PDGFD: variants seen among roughly 807,000 people sequenced by gnomAD.
The protein encoded by PDGFD is platelet derived growth factor D.
PDGFD carries 30 observed loss-of-function variants against 44.7 expected under a neutral mutation model. The ratio of observed to expected loss-of-function variants is 0.67; its 90% CI spans 0.50 to 0.91. PDGFD has a LOEUF of 0.91. Ranked by LOEUF, PDGFD falls within the 40% of genes least tolerant of loss-of-function variation. The probability of loss-of-function intolerance (pLI) is 0.00; values close to 1 mark genes in which losing one functional copy is unlikely to be tolerated. For missense variants in PDGFD, 445 were observed against 457.8 expected, an observed-to-expected ratio of 0.97 and a Z score of 0.25; for synonymous variants, 173 against 168.4, an observed-to-expected ratio of 1.03 and a Z score of -0.21.
chr11:104,061,292 A>G (rs142016557), intron 1 of PDGFD, among the ~76,000 whole-genome samples: 1 of 152,200 alleles, frequency 6.6e-6, no homozygotes, highest in Non-Finnish European at 1.5e-5. Flanking sequence ...AAGTGTTAAA[A>G]CTGTATCAAT....
chr11:104,069,149 G>A (rs575014401), intron 1 of PDGFD, among the ~76,000 whole-genome samples: 271 of 152,276 alleles, frequency 1.8e-3, no homozygotes, highest in Middle Eastern at 6.8e-3. Context: ...CTTTTAATCT[G>A]AAAGCGTTTC....
chr11:104,040,346 T>G (rs1392428340), intron 1 of PDGFD, among the ~76,000 whole-genome samples: 1 of 152,070 alleles, frequency 6.6e-6, no homozygotes, highest in Non-Finnish European at 1.5e-5. Flanking sequence ...TGAAAAGCAA[T>G]GACTTCAAAG....
intron 1 of PDGFD, among the ~76,000 whole-genome samples, chr11:104,151,679 G>A (rs529724806): frequency 2.0e-4 from 30 of 152,172 alleles, no homozygotes; most frequent in African/African-American, 5.8e-4. Context: ...TCAGAAATAC[G>A]TATCCTAAAA....
At chr11:104,018,927 G>C (rs1164838530) in intron 1 of PDGFD, among the ~76,000 whole-genome samples, 1 of 151,914 alleles carries the variant, frequency 6.6e-6, no homozygotes, top group Non-Finnish European at 1.5e-5. Context: ...CTTGATCCTT[G>C]TCTTCAGCCA....
At chr11:104,104,890 A>G (rs1395953414) in intron 1 of PDGFD, among the ~76,000 whole-genome samples, 1 of 146,440 alleles carries the variant, frequency 6.8e-6, no homozygotes. Flanking sequence ...AAACACTGAT[A>G]CCATATGCAA....
intron 3 of PDGFD, among the ~76,000 whole-genome samples, chr11:103,976,170 C>T (rs1859181347): frequency 6.6e-6 from 1 of 151,972 alleles, no homozygotes; most frequent in African/African-American, 2.4e-5. Context: ...CTCTTATTTC[C>T]TTAAGCAGTG....
At chr11:104,030,109 A>T (rs991274582) in intron 1 of PDGFD, among the ~76,000 whole-genome samples, 1 of 152,212 alleles carries the variant, frequency 6.6e-6, no homozygotes, top group South Asian at 2.1e-4. Context: ...AATAAGGTGC[A>T]TTTGTAACAT....
chr11:104,120,370 CCTAGTTTAAAATT>C (rs1205422214), intron 1 of PDGFD, among the ~76,000 whole-genome samples: 1 of 151,738 alleles, frequency 6.6e-6, no homozygotes, highest in Non-Finnish European at 1.5e-5. Flanking sequence ...AGTTTAAAAT[CCTAGTTTAAAATT>C]CCTAGTTAAT....
At chr11:103,944,995 C>A (rs1053413254) in intron 4 of PDGFD, among the ~76,000 whole-genome samples, 1 of 151,936 alleles carries the variant, frequency 6.6e-6, no homozygotes, top group African/African-American at 2.4e-5. Context: ...TTCAGTCATC[C>A]TTGTTAAAAT....
intron 3 of PDGFD, among the ~76,000 whole-genome samples, chr11:103,964,237 G>A (rs935885248): frequency 6.6e-6 from 1 of 152,130 alleles, no homozygotes; most frequent in African/African-American, 2.4e-5. Context: ...TGTCCCAGAA[G>A]GGAACTGATT....
chr11:104,014,145 T>C (rs1004015113), intron 1 of PDGFD, among the ~76,000 whole-genome samples: 1 of 152,206 alleles, frequency 6.6e-6, no homozygotes, highest in African/African-American at 2.4e-5. Flanking sequence ...CATCCCTTTA[T>C]ATAGCTACTG....
rs190175448 is a variant in PDGFD, at chr11:103,912,636, C to A, written c.988-2817G>T. On this transcript the variant is annotated intron_variant, in intron 6 of 6. Transcript: ENST00000393158. The stretch of plus-strand genomic sequence containing the variant: ...TCAAATTCACACATAATAATATTAA[C>A]CTTAAATGTAAATGGGCTAAATTCC... Among the ~76,000 whole-genome samples, 681 of 152,190 alleles carry A rather than the reference C, an allele frequency of 4.5e-3. 6 individuals carry two copies. Among genetic ancestry groups the A allele is most frequent in the African/African-American group, 0.016 (655 of 41,512 alleles).
intron 1 of PDGFD, among the ~76,000 whole-genome samples, chr11:104,160,202 T>G (rs974591119): frequency 6.6e-6 from 1 of 152,182 alleles, no homozygotes; most frequent in Non-Finnish European, 1.5e-5. Flanking sequence ...TTACTAGAAC[T>G]GCAGGCCTAT....
chr11:103,996,229 C>T lies in PDGFD; in HGVS notation c.346G>A (p.Val116Ile). The change falls in exon 3 of 7, where the codon GTT (valine) becomes ATT (isoleucine). Residue 116 changes from valine to isoleucine, a missense_variant. By Grantham distance (29) the Val-to-Ile change is conservative. Coordinates refer to ENST00000393158, the MANE Select transcript of PDGFD (RefSeq NM_025208.5). ...GTACTGGTTTCGGATATATCTTCAA[C>T]TTCCACAAAATCATACCTAGAATCA... The part of the protein sequence containing the change: ...NDICRYDFVE[V>I]EDISETSTII... 6.2e-7 allele frequency: 1 copy of T among 1,610,802 alleles called. No individual in the cohort carries two copies. Among genetic ancestry groups the T allele is most frequent in the African/African-American group, 1.3e-5 (1 of 74,916 alleles).
At chr11:104,145,960 G>T (rs966890677) in intron 1 of PDGFD, among the ~76,000 whole-genome samples, 4 of 152,298 alleles carry the variant, frequency 2.6e-5, no homozygotes, top group Non-Finnish European at 5.9e-5. Context: ...CAGCCAGGAA[G>T]AGAAGTCTCA....
At chr11:104,101,337 G>A (rs571655259) in intron 1 of PDGFD, among the ~76,000 whole-genome samples, 2 of 152,218 alleles carry the variant, frequency 1.3e-5, no homozygotes, top group East Asian at 3.9e-4. Context: ...AATCATGAGT[G>A]AACTTCCATT....
chr11:104,046,652 A>C (rs1371654751), intron 1 of PDGFD, among the ~76,000 whole-genome samples: 1 of 147,602 alleles, frequency 6.8e-6, no homozygotes, highest in Non-Finnish European at 1.5e-5. Context: ...TTTTTCAGTA[A>C]GTATTCAATA....
intron 1 of PDGFD, among the ~76,000 whole-genome samples, chr11:104,086,387 G>GT (rs1042585642): frequency 1.3e-4 from 20 of 152,186 alleles, no homozygotes; most frequent in South Asian, 4.1e-4. Context: ...GGACATACAA[G>GT]TTTTTTTTCC....
chr11:104,091,010 C>A (rs1018487320), intron 1 of PDGFD, among the ~76,000 whole-genome samples: 1 of 152,102 alleles, frequency 6.6e-6, no homozygotes, highest in Non-Finnish European at 1.5e-5. Context: ...ACTACCGAGT[C>A]TAACACTGAA....
Sources: allele counts gnomAD v4.1 joint callset (sites outside exome capture counted in the v4.1 genomes callset), GRCh38; gene constraint gnomAD v4.1.1; transcripts MANE v1.5; gene names NCBI Gene and HGNC (gene_info 2026-07-23, HGNC 2026-07-21).